The following CAMTA1 variants were observed in gnomAD, a reference collection of about 807,000 sequenced individuals.
The protein encoded by CAMTA1 is calmodulin-binding transcription activator 1.
Under a neutral mutation model 170.9 loss-of-function variants are expected in CAMTA1, and 27 were observed. The ratio of observed to expected loss-of-function variants is 0.16; its 90% CI spans 0.12 to 0.22. The LOEUF (loss-of-function observed/expected upper bound fraction) is 0.22. Ranked by LOEUF, CAMTA1 falls within the 10% of genes least tolerant of loss-of-function variation. The pLI, the probability that CAMTA1 is intolerant of heterozygous loss-of-function variation, is 1.00. For synonymous variants in CAMTA1, 833 were observed against 891.5 expected, an observed-to-expected ratio of 0.93 and a Z score of 1.17; for missense variants, 1,619 against 2,217.2, an observed-to-expected ratio of 0.73 and a Z score of 5.42.
chr1:7,091,009 T>C (rs1641398017), intron 3 of CAMTA1, among the ~76,000 whole-genome samples: 2 of 152,192 alleles, frequency 1.3e-5, no homozygotes, highest in Admixed American at 1.3e-4. Flanking sequence ...ATTAATGACA[T>C]TTAGAATCTG....
chr1:7,735,768 TTTG>T (rs1035257592), intron 12 of CAMTA1, among the ~76,000 whole-genome samples: 14 of 152,000 alleles, frequency 9.2e-5, no homozygotes, highest in South Asian at 4.2e-4. Context: ...GTTTGGGTTT[TTTG>T]TTGTTGTTGT....
chr1:6,817,792 C>G lies in CAMTA1; in HGVS notation c.46-2389C>G, dbSNP rs74051000. ...GGGTTACAGGCGTGAGCCACTGTGC[C>G]TAGCTCAGTATACTACTATTGGTTA... On this transcript the variant is annotated intron_variant, in intron 1 of 22. Coordinates refer to ENST00000303635, the MANE Select transcript of CAMTA1 (RefSeq NM_015215.4). Among the ~76,000 whole-genome samples, 398 of 152,256 alleles carry G rather than the reference C, an allele frequency of 2.6e-3. 1 individual carries two copies. Among genetic ancestry groups the G allele is most frequent in the African/African-American group, 9.3e-3 (385 of 41,542 alleles).
intron 3 of CAMTA1, among the ~76,000 whole-genome samples, chr1:6,931,062 A>G (rs1684325747): frequency 6.6e-6 from 1 of 152,188 alleles, no homozygotes; most frequent in Non-Finnish European, 1.5e-5. Context: ...CGGTCTGGTT[A>G]GAATAAAAGG....
At chr1:7,276,990 T>A in intron 5 of CAMTA1, among the ~76,000 whole-genome samples, 1 of 152,298 alleles carries the variant, frequency 6.6e-6, no homozygotes, top group South Asian at 2.1e-4. Context: ...CCTTGAAATA[T>A]TTTAGGATCA....
intron 5 of CAMTA1, among the ~76,000 whole-genome samples, chr1:7,373,360 T>C: frequency 6.6e-6 from 1 of 152,238 alleles, no homozygotes. Context: ...GCTGTGGATT[T>C]CAGTTCCCCC....
chr1:7,402,391 A>C, intron 5 of CAMTA1, among the ~76,000 whole-genome samples: 1 of 151,716 alleles, frequency 6.6e-6, no homozygotes, highest in Non-Finnish European at 1.5e-5. Context: ...TTCCCTCCTC[A>C]CCTTCTTCTG....
chr1:7,441,286 T>C (rs961461743), intron 5 of CAMTA1: 1 of 152,278 alleles, frequency 6.6e-6, no homozygotes. Flanking sequence ...ACACCCTTGA[T>C]GCTTGACTGA....
At chr1:6,838,858 G>C (rs1021784849) in intron 3 of CAMTA1, among the ~76,000 whole-genome samples, 8 of 152,124 alleles carry the variant, frequency 5.3e-5, no homozygotes, top group Non-Finnish European at 1.2e-4. Flanking sequence ...CTGGACCCAA[G>C]AGATCCTCCT....
intron 3 of CAMTA1, among the ~76,000 whole-genome samples, chr1:6,866,679 T>C (rs774908101): frequency 2.0e-5 from 3 of 152,126 alleles, no homozygotes; most frequent in Non-Finnish European, 2.9e-5. Flanking sequence ...GCATGTCAGT[T>C]GCAAAAATAG....
chr1:7,527,975 C>A (rs2094448805), intron 6 of CAMTA1, among the ~76,000 whole-genome samples: 1 of 152,168 alleles, frequency 6.6e-6, no homozygotes, highest in South Asian at 2.1e-4. Context: ...GCGGCAAGAG[C>A]CTAGAAAGGG....
intron 3 of CAMTA1, chr1:7,008,619 A>G (rs2275910): frequency 0.5 from 75,222 of 151,784 alleles, 20,820 homozygotes; most frequent in African/African-American, 0.77. Flanking sequence ...CACTAGATGA[A>G]TAGAACTTTC....
At chr1:7,211,593 C>G (rs1658768512) in intron 4 of CAMTA1, among the ~76,000 whole-genome samples, 1 of 152,204 alleles carries the variant, frequency 6.6e-6, no homozygotes, top group African/African-American at 2.4e-5. Flanking sequence ...TTGCACCCGT[C>G]ATTCTTTGAG....
rs555579535 is a variant in CAMTA1 at position 6,971,203 on chromosome 1, G to A, written c.235-120101G>A. Among the ~76,000 whole-genome samples, 2 of 152,140 alleles carry A rather than the reference G, an allele frequency of 1.3e-5. No homozygotes were observed. The highest frequency in any genetic ancestry group is 2.9e-5 in the Non-Finnish European group (2 of 68,022). ...TTCCTGCTGGAGAAGAGCACACGAT[G>A]GGCCTCGCTCCTCATGCTCCCCACT... On this transcript the variant is annotated intron_variant, in intron 3 of 22. Transcript: ENST00000303635. This position sits in a 1 kb window ranked among gnomAD's most constrained non-coding sequence, Gnocchi z 4.6.
intron 9 of CAMTA1, among the ~76,000 whole-genome samples, chr1:7,668,194 C>T (rs1212117027): frequency 6.6e-6 from 1 of 152,202 alleles, no homozygotes; most frequent in Non-Finnish European, 1.5e-5. Context: ...ACTTCCCAGT[C>T]TGCAAAATGG....
At chr1:7,407,348 G>A (rs2090371888) in intron 5 of CAMTA1, among the ~76,000 whole-genome samples, 1 of 152,204 alleles carries the variant, frequency 6.6e-6, no homozygotes, top group Non-Finnish European at 1.5e-5. Flanking sequence ...GGCACAGGCT[G>A]TCTTGGGGGA....
chr1:7,322,189 A>G (rs1678529300), intron 5 of CAMTA1, among the ~76,000 whole-genome samples: 1 of 152,226 alleles, frequency 6.6e-6, no homozygotes, highest in Non-Finnish European at 1.5e-5. Flanking sequence ...TTGCCTGTCT[A>G]ACCTGCTTTG....
intron 6 of CAMTA1, among the ~76,000 whole-genome samples, chr1:7,479,534 C>G (rs1003077425): frequency 6.6e-6 from 1 of 152,174 alleles, no homozygotes; most frequent in African/African-American, 2.4e-5. Context: ...GAGCTGTCCT[C>G]TCACTCCACC....
At position 6,896,706 on chromosome 1, in the gene CAMTA1, G is replaced by A. The variant is rs540752073; in HGVS notation, c.234+71496G>A. On this transcript the variant is annotated intron_variant, in intron 3 of 22. Coordinates refer to ENST00000303635, the MANE Select transcript of CAMTA1 (RefSeq NM_015215.4). ...ATTAACTACTTCTGAGGAACCCTTT[G>A]CATCAGCTTCCTTAGGGAAGAAAAG... is the stretch of plus-strand genomic sequence containing the variant. 2.6e-5 allele frequency among the ~76,000 whole-genome samples: 4 copies of A among 152,230 alleles called. No homozygotes were observed. The South Asian group carries it at 8.3e-4, about 32-fold the overall frequency.
At chr1:7,061,626 T>G (rs967968302) in intron 3 of CAMTA1, among the ~76,000 whole-genome samples, 39 of 151,410 alleles carry the variant, frequency 2.6e-4, no homozygotes, top group Non-Finnish European at 5.0e-4. Context: ...CAGGCAGATA[T>G]TCACTGTCAG....
Sources: allele counts gnomAD v4.1 joint callset (sites outside exome capture counted in the v4.1 genomes callset), GRCh38; gene constraint gnomAD v4.1.1; non-coding constraint Gnocchi (gnomAD v3.1); transcripts MANE v1.5; gene names NCBI Gene and HGNC (gene_info 2026-07-23, HGNC 2026-07-21).